The following FER variants were observed in gnomAD, a reference collection of about 807,000 sequenced individuals.
FER encodes tyrosine-protein kinase Fer.
In FER, 63 loss-of-function variants were observed where a neutral mutation model predicts 111.0. The observed-to-expected ratio is 0.57, with a 90% CI of 0.46 to 0.70. The LOEUF (loss-of-function observed/expected upper bound fraction) is 0.70. Ranked by LOEUF, FER falls within the 30% of genes least tolerant of loss-of-function variation. The probability of loss-of-function intolerance (pLI) is 0.00; values close to 1 mark genes in which losing one functional copy is unlikely to be tolerated. For missense variants in FER, 914 were observed against 954.0 expected (o/e 0.96, Z 0.55); for synonymous variants, 327 against 313.9 (o/e 1.04, Z -0.44).
chr5:109,052,376 C>T (rs774263422), intron 16 of FER: 52 of 1,572,636 alleles, frequency 3.3e-5, no homozygotes, highest in Non-Finnish European at 4.3e-5. Context: ...ATGAAAAGTA[C>T]TGACAGCCAC....
chr5:108,830,315 G>A (rs761071876), intron 3 of FER, among the ~76,000 whole-genome samples: 6 of 152,198 alleles, frequency 3.9e-5, no homozygotes, highest in Admixed American at 1.3e-4. Flanking sequence ...TTAGCTGGGC[G>A]TAGTGGTTCA....
Position 109,152,146 on chromosome 5 carries a change from G to GT in FER, c.2049-28600dup, listed in dbSNP as rs1368897613. Among the ~76,000 whole-genome samples, 61 of 152,054 alleles carry GT rather than the reference G, an allele frequency of 4.0e-4. 1 individual carries two copies. The highest frequency in any genetic ancestry group is 3.9e-3 in the Admixed American group (59 of 15,250). On this transcript the variant is annotated intron_variant, in intron 17 of 19. Coordinates refer to ENST00000281092, the MANE Select transcript of FER (RefSeq NM_005246.4). ...TATGAACTTGAGGAAACAAGGCTAT[G>GT]TAACCCTACATATTTATCTTTCTGC... is the stretch of plus-strand genomic sequence containing the variant.
chr5:108,846,640 T>A (rs1762053576), intron 5 of FER, among the ~76,000 whole-genome samples: 1 of 152,042 alleles, frequency 6.6e-6, no homozygotes, highest in South Asian at 2.1e-4. Context: ...TGGAGTGCAG[T>A]GGCGCGATCA....
chr5:108,861,411 A>G (rs1212979738), intron 5 of FER, among the ~76,000 whole-genome samples: 1 of 152,192 alleles, frequency 6.6e-6, no homozygotes. Context: ...CTGTTATTAC[A>G]AAACATTAAA....
At chr5:109,176,848 G>A (rs756406072) in intron 17 of FER, among the ~76,000 whole-genome samples, 4 of 152,134 alleles carry the variant, frequency 2.6e-5, no homozygotes, top group Non-Finnish European at 5.9e-5. Context: ...GAGTACACTT[G>A]GCCTGTGTGG....
At chr5:109,022,515 A>C (rs1768067795) in intron 13 of FER, among the ~76,000 whole-genome samples, 2 of 152,140 alleles carry the variant, frequency 1.3e-5, no homozygotes, top group African/African-American at 4.8e-5. Flanking sequence ...TATTTGTCAA[A>C]GTAATGGAAA....
intron 5 of FER, among the ~76,000 whole-genome samples, chr5:108,853,231 A>G (rs1435949645): frequency 6.6e-6 from 1 of 152,130 alleles, no homozygotes; most frequent in African/African-American, 2.4e-5. Flanking sequence ...TTTTTTTCAA[A>G]TAAGAACTAT....
Position 109,097,058 on chromosome 5 carries a change from G to C in FER, c.1925-3338G>C, listed in dbSNP as rs563741306. Among the ~76,000 whole-genome samples the C allele has an allele frequency of 1.2e-4, 18 of 150,280 alleles. No homozygotes were observed. In the East Asian group the frequency reaches 3.1e-3, roughly 26 times the overall value. ...TATTTATTGTGTGTACTGTGTGCTA[G>C]GCACATGCTTGATACTTTAAATACA... On this transcript the variant is annotated intron_variant, in intron 16 of 19. Transcript: ENST00000281092.
chr5:109,191,445 T>C lies in FER; in HGVS notation c.*3870T>C, dbSNP rs1191633396. On this transcript the variant is annotated 3_prime_UTR_variant, in exon 20 of 20. Transcript: ENST00000281092. The stretch of plus-strand genomic sequence containing the variant: ...TTTTAGATGTTTCTTATCAACAAAA[T>C]TGGCTGCCCTGGTTAGTGCTGAGTC... 6.6e-6 allele frequency: 1 copy of C among 152,164 alleles called. No homozygotes were observed. The highest frequency in any genetic ancestry group is 1.5e-5 in the Non-Finnish European group (1 of 68,018). The allele number at this position is 152,164 out of a possible 1,614,324, so 9.4% of individuals were successfully genotyped here. A position where few individuals can be genotyped will look rare whatever the true frequency, so the allele number is the denominator to read the frequency against.
intron 17 of FER, among the ~76,000 whole-genome samples, chr5:109,163,983 T>C (rs965987884): frequency 5.3e-5 from 8 of 152,184 alleles, no homozygotes; most frequent in Non-Finnish European, 1.0e-4. Flanking sequence ...CCTTATTGCA[T>C]AGTGGTTGTT....
At chr5:108,896,110 CT>C (rs1581101129) in intron 9 of FER, among the ~76,000 whole-genome samples, 1 of 151,798 alleles carries the variant, frequency 6.6e-6, no homozygotes, top group African/African-American at 2.4e-5. Context: ...TATTTTTCCA[CT>C]TTACCTTGTA....
chr5:108,926,768 C>A (rs183513667), intron 10 of FER, among the ~76,000 whole-genome samples: 128 of 152,252 alleles, frequency 8.4e-4, no homozygotes, highest in Non-Finnish European at 1.2e-3. Context: ...CATAGGAAGC[C>A]TTTGTATTCT....
intron 9 of FER, chr5:108,894,340 G>T: frequency 1.0e-6 from 1 of 966,522 alleles, no homozygotes; most frequent in Non-Finnish European, 1.4e-6. Flanking sequence ...AGGAGGAGGA[G>T]CCATCACTGT....
intron 9 of FER, among the ~76,000 whole-genome samples, chr5:108,885,850 C>A (rs1476824910): frequency 6.6e-6 from 1 of 151,836 alleles, no homozygotes; most frequent in African/African-American, 2.4e-5. Context: ...CTGATCATTC[C>A]TTTACTAAAT....
At chr5:109,154,923 G>T (rs1486706224) in intron 17 of FER, among the ~76,000 whole-genome samples, 1 of 151,744 alleles carries the variant, frequency 6.6e-6, no homozygotes, top group African/African-American at 2.4e-5. Context: ...CTTGCTCTTG[G>T]AATATCTTTT....
chr5:108,788,243 C>G (rs1469482783), intron 2 of FER, among the ~76,000 whole-genome samples: 1 of 152,242 alleles, frequency 6.6e-6, no homozygotes, highest in Admixed American at 6.5e-5. Context: ...GAGCCAGCGC[C>G]TGTGCTGGTG....
intron 11 of FER, among the ~76,000 whole-genome samples, chr5:108,949,214 A>C (rs1757401952): frequency 6.6e-6 from 1 of 152,068 alleles, no homozygotes; most frequent in South Asian, 2.1e-4. Flanking sequence ...AGCTATTTTC[A>C]TGCATGATGT....
chr5:109,167,361 T>C (rs927576207), intron 17 of FER, among the ~76,000 whole-genome samples: 2 of 152,176 alleles, frequency 1.3e-5, no homozygotes, highest in African/African-American at 4.8e-5. Flanking sequence ...TGTGTATATG[T>C]CAGTCAATAA....
intron 5 of FER, among the ~76,000 whole-genome samples, chr5:108,852,720 A>T (rs1762647954): frequency 6.6e-6 from 1 of 152,144 alleles, no homozygotes; most frequent in East Asian, 1.9e-4. Context: ...ATATATCAGC[A>T]GCTAACTTAT....
Sources: gnomAD v4.1 joint callset for allele counts (sites outside exome capture counted in the v4.1 genomes callset) on GRCh38, gnomAD v4.1.1 for gene constraint, MANE v1.5 for transcripts, NCBI Gene and HGNC (gene_info 2026-07-23, HGNC 2026-07-21) for gene names.